The following ADGRF4 variants were observed in gnomAD, a reference collection of about 807,000 sequenced individuals.
ADGRF4 encodes G-protein coupled receptor PGR18.
ADGRF4 carries 63 observed loss-of-function variants against 58.5 expected under a neutral mutation model. The ratio of observed to expected loss-of-function variants is 1.08; its 90% CI spans 0.88 to 1.33. The LOEUF (loss-of-function observed/expected upper bound fraction) is 1.33, where lower values mean the gene tolerates loss of function less well. ADGRF4 is among the 40% of genes most tolerant of loss of function. The pLI, the probability that ADGRF4 is intolerant of heterozygous loss-of-function variation, is 0.00. For missense variants in ADGRF4, 931 were observed against 843.9 expected (o/e 1.10, Z -1.28); for synonymous variants, 313 against 295.4 (o/e 1.06, Z -0.61).
chr6:47,707,660 T>C (rs1330828487), intron 2 of ADGRF4, among the ~76,000 whole-genome samples: 1 of 152,224 alleles, frequency 6.6e-6, no homozygotes, highest in Non-Finnish European at 1.5e-5. Flanking sequence ...TGCTTTCCAC[T>C]AGTTGCACAA....
chr6:47,702,681 G>C (rs1055577109), intron 1 of ADGRF4, among the ~76,000 whole-genome samples: 1 of 152,140 alleles, frequency 6.6e-6, no homozygotes, highest in Non-Finnish European at 1.5e-5. Flanking sequence ...AAATGGAGAC[G>C]TCTCTTCCCA....
chr6:47,704,197 C>T (rs1343311929), intron 1 of ADGRF4, among the ~76,000 whole-genome samples: 1 of 152,052 alleles, frequency 6.6e-6, no homozygotes, highest in Non-Finnish European at 1.5e-5. Context: ...ATGCCCACCA[C>T]CATGCCTCGC....
At position 47,716,771 on chromosome 6, in the gene ADGRF4, A is replaced by G. The variant is rs192566062; in HGVS notation, c.1933-35A>G. 132 of 1,547,932 alleles carry G rather than the reference A, an allele frequency of 8.5e-5. No individual in the cohort carries two copies. In the African/African-American group the frequency reaches 1.7e-3, roughly 20 times the overall value. The stretch of plus-strand genomic sequence containing the variant: ...TAACAGCAGGAATATTTTTTGAAAA[A>G]CCATCCCTCATGAATCTGTTCAATT... On this transcript the variant is annotated intron_variant, in intron 6 of 9. Coordinates refer to ENST00000283303, the MANE Select transcript of ADGRF4 (RefSeq NM_153838.5).
chr6:47,708,396 G>A, intron 3 of ADGRF4, 118 bp downstream of exon 3: 1 of 712,220 alleles, frequency 1.4e-6, no homozygotes, highest in Non-Finnish European at 2.5e-6. Context: ...GCAATCTCCA[G>A]TAAGTCCTCT....
At chr6:47,710,182 T>G (rs1771827392) in intron 3 of ADGRF4, among the ~76,000 whole-genome samples, 1 of 152,180 alleles carries the variant, frequency 6.6e-6, no homozygotes. Flanking sequence ...TAGGAGCAAT[T>G]GTTCAGAACA....
chr6:47,710,698 C>T (rs1182802336), intron 3 of ADGRF4, 37 bp from the exon 4 acceptor site: 1 of 1,541,878 alleles, frequency 6.5e-7, no homozygotes, highest in African/African-American at 1.4e-5. Context: ...CCTAATTGGG[C>T]TCCTGTCTCT....
chr6:47,720,241 A>T (rs1772126824), intron 9 of ADGRF4, among the ~76,000 whole-genome samples: 1 of 152,020 alleles, frequency 6.6e-6, no homozygotes, highest in Non-Finnish European at 1.5e-5. Context: ...TCAGGGCAAA[A>T]CCCCAGGCAC....
rs1216058270 is a variant in ADGRF4, at chr6:47,721,566, G to A, written c.*361G>A. 6 of 152,140 alleles carry A rather than the reference G, an allele frequency of 3.9e-5. No individual in the cohort carries two copies. The highest frequency in any genetic ancestry group is 4.1e-4 in the South Asian group (2 of 4,822). The allele number at this position is 152,140 out of a possible 1,614,324, so 9.4% of individuals were successfully genotyped here. On this transcript the variant is annotated 3_prime_UTR_variant, in exon 10 of 10. Transcript: ENST00000283303. ...GGGCTTGGTCGTCTTTCACTCCTGAGGCCTGCTCTGTGGCTCCATAGCTCA... is the reference window on the plus strand; with the variant it reads ...GGGCTTGGTCGTCTTTCACTCCTGAAGCCTGCTCTGTGGCTCCATAGCTCA...
intron 2 of ADGRF4, 82 bp from the exon 3 acceptor site, chr6:47,708,142 A>T (rs1226463428): frequency 1.1e-5 from 11 of 1,003,116 alleles, no homozygotes; most frequent in Non-Finnish European, 1.4e-5. Flanking sequence ...TTTTCTTTTC[A>T]TATTCATATG....
intron 4 of ADGRF4, 92 bp from the exon 5 acceptor site, chr6:47,712,265 C>T: frequency 7.9e-7 from 1 of 1,263,462 alleles, no homozygotes; most frequent in South Asian, 1.3e-5. Context: ...CTCCATCTAC[C>T]TTACCCATGT....
chr6:47,708,341 G>A (rs1351759144), intron 3 of ADGRF4, 63 bp downstream of exon 3: 3 of 1,271,284 alleles, frequency 2.4e-6, no homozygotes, highest in Non-Finnish European at 3.4e-6. Context: ...GAAGGGCACT[G>A]ATGTTGCAAG....
rs376873788 is a variant in ADGRF4 at position 47,710,113 on chromosome 6, G to A, written c.149-622G>A. Reference sequence around the variant, plus strand: ...CACACATCAAACAAGGTCATATATTGATTAGTTGATGAAATTGTTGTAAGC... The same window carrying A: ...CACACATCAAACAAGGTCATATATTAATTAGTTGATGAAATTGTTGTAAGC... On this transcript the variant is annotated intron_variant, in intron 3 of 9. Transcript: ENST00000283303. Among the ~76,000 whole-genome samples, 4 of 152,126 alleles carry A rather than the reference G, an allele frequency of 2.6e-5. No individual in the cohort carries two copies. The South Asian group carries it at 6.2e-4, about 24-fold the overall frequency.
chr6:47,720,750 T>C (rs2113911823), intron 9 of ADGRF4, among the ~76,000 whole-genome samples: 1 of 152,342 alleles, frequency 6.6e-6, no homozygotes. Context: ...GTTCCTCCAG[T>C]GTCTTGCATG....
chr6:47,713,004 A>G (rs1309823245), intron 5 of ADGRF4, among the ~76,000 whole-genome samples: 1 of 152,190 alleles, frequency 6.6e-6, no homozygotes, highest in Non-Finnish European at 1.5e-5. Context: ...AGCGAACATT[A>G]TCACCTGGGC....
rs1771517579 is a variant in ADGRF4 at position 47,698,677 on chromosome 6, A to C, written c.-134A>C. 1 of 152,206 alleles carries C rather than the reference A, an allele frequency of 6.6e-6. No homozygotes were observed. The highest frequency in any genetic ancestry group is 2.4e-5 in the African/African-American group (1 of 41,422). 9.4% of individuals were successfully genotyped at this position (152,206 alleles called of 1,614,324 possible). A position where few individuals can be genotyped will look rare whatever the true frequency, so the allele number is the denominator to read the frequency against. On this transcript the variant is annotated 5_prime_UTR_variant, in exon 1 of 10. It removes the in-frame stop codon of an upstream open reading frame in the 5' UTR. Coordinates refer to ENST00000283303, the MANE Select transcript of ADGRF4 (RefSeq NM_153838.5). ...TGGAGAAGACAGATCACAGCCACTG[A>C]CCAGGGACCGTGGGAGGTGCCACGT... is the stretch of plus-strand genomic sequence containing the variant.
At chr6:47,711,268 C>CT (rs886149678) in intron 4 of ADGRF4, among the ~76,000 whole-genome samples, 2 of 152,142 alleles carry the variant, frequency 1.3e-5, no homozygotes, top group East Asian at 1.9e-4. Flanking sequence ...TTTGATATCT[C>CT]TTTTTTTGTT....
In ADGRF4 at chr6:47,710,766, C is replaced by T. The variant is rs1425343386; in HGVS notation, c.180C>T (p.Ser60=). The part of the protein sequence containing the change: ...EKCEGPCISS[S]NCSQPCAKDF... ...GCGAAGGACCTTGTATTTCTTCTTC[C>T]AACTGCAGCCAGCCCTGTGCTAAGG... Residue 60 remains serine (S), a synonymous_variant, in exon 4 of 10, where the codon TCC becomes TCT. Coordinates refer to ENST00000283303, the MANE Select transcript of ADGRF4 (RefSeq NM_153838.5). 1.2e-6 allele frequency: 2 copies of T among 1,606,916 alleles called. No individual in the cohort carries two copies. Among genetic ancestry groups the T allele is most frequent in the African/African-American group, 2.7e-5 (2 of 74,238 alleles).
At chr6:47,708,381 GA>G in intron 3 of ADGRF4, 103 bp downstream of exon 3, 1 of 793,728 alleles carries the variant, frequency 1.3e-6, no homozygotes, top group South Asian at 1.5e-5. Flanking sequence ...CTTTCCAACT[GA>G]ATAGCAATCT....
chr6:47,709,862 A>G (rs1427383570), intron 3 of ADGRF4, among the ~76,000 whole-genome samples: 1 of 97,924 alleles, frequency 1.0e-5, no homozygotes, highest in Non-Finnish European at 2.4e-5. Flanking sequence ...TTTTTTTTGT[A>G]TTTTTGTGCT....
Sources: gnomAD v4.1 joint callset for allele counts (sites outside exome capture counted in the v4.1 genomes callset) on GRCh38, gnomAD v4.1.1 for gene constraint, MANE v1.5 for transcripts, NCBI Gene and HGNC (gene_info 2026-07-23, HGNC 2026-07-21) for gene names.